Variants in FSD1L observed in about 807,000 individuals in gnomAD.
FSD1L encodes fibronectin type III and SPRY domain containing 1 like.
In FSD1L, 45 loss-of-function variants were observed where a neutral mutation model predicts 71.6. That is an observed-to-expected ratio of 0.63 (90% CI 0.49 to 0.81). The LOEUF (loss-of-function observed/expected upper bound fraction) is 0.81. FSD1L is among the 30% of genes least tolerant of loss of function. The probability of loss-of-function intolerance (pLI) is 0.00; values close to 1 mark genes in which losing one functional copy is unlikely to be tolerated. For synonymous variants in FSD1L, 197 were observed against 207.2 expected, an observed-to-expected ratio of 0.95 and a Z score of 0.42; for missense variants, 561 against 618.1, an observed-to-expected ratio of 0.91 and a Z score of 0.98.
At chr9:105,450,720 G>A (rs1309175659) in intron 1 of FSD1L, among the ~76,000 whole-genome samples, 1 of 151,502 alleles carries the variant, frequency 6.6e-6, no homozygotes, top group African/African-American at 2.4e-5. Flanking sequence ...TTTTAGTAGA[G>A]ACGGGGTTTT....
intron 1 of FSD1L, among the ~76,000 whole-genome samples, chr9:105,450,679 G>A (rs950023037): frequency 6.7e-6 from 1 of 149,756 alleles, no homozygotes; most frequent in South Asian, 2.1e-4. Context: ...GATTACAGGC[G>A]CCTGCCACCA....
chr9:105,447,496 G>T (rs1167692517), upstream of FSD1L, among the ~76,000 whole-genome samples: 2 of 152,054 alleles, frequency 1.3e-5, no homozygotes, highest in Admixed American at 6.6e-5. Flanking sequence ...TACAGGTAGC[G>T]AGGTGCCGGG....
chr9:105,452,665 G>GCCTGCCTGCCTGCCTTCCTT (rs1830095598), intron 1 of FSD1L, among the ~76,000 whole-genome samples: 1 of 85,850 alleles, frequency 1.2e-5, no homozygotes, highest in African/African-American at 4.8e-5. Flanking sequence ...CTGCCTGCCT[G>GCCTGCCTGCCTGCCTTCCTT]CCTGCCTTCC....
At chr9:105,456,724 A>T (rs1830379734) in intron 1 of FSD1L, among the ~76,000 whole-genome samples, 1 of 152,194 alleles carries the variant, frequency 6.6e-6, no homozygotes. Flanking sequence ...ACCAAAAGAC[A>T]TTTGCTGAGA....
intron 7 of FSD1L, among the ~76,000 whole-genome samples, chr9:105,489,221 A>G (rs1168521113): frequency 6.6e-6 from 1 of 152,152 alleles, no homozygotes; most frequent in African/African-American, 2.4e-5. Flanking sequence ...ATTAGGTAAA[A>G]TGCATGGTGA....
In FSD1L at chr9:105,491,959, T is replaced by G. The variant is rs548900376; in HGVS notation, c.586+7457T>G. On this transcript the variant is annotated intron_variant, in intron 7 of 13. Transcript: ENST00000481272. Reference sequence around the variant, plus strand: ...CATCAAGGATATTGGTCTAAAATTCTCTTTTTTGGTTGTGTCTCTGCCCGG... The same window carrying G: ...CATCAAGGATATTGGTCTAAAATTCGCTTTTTTGGTTGTGTCTCTGCCCGG... 6.8e-4 allele frequency among the ~76,000 whole-genome samples: 103 copies of G among 152,230 alleles called. 1 individual carries two copies. Among genetic ancestry groups the G allele is most frequent in the African/African-American group, 2.5e-3 (103 of 41,506 alleles).
At chr9:105,444,550 A>G (rs1175456596), upstream of FSD1L, among the ~76,000 whole-genome samples, 2 of 152,178 alleles carry the variant, frequency 1.3e-5, no homozygotes, top group African/African-American at 4.8e-5. Flanking sequence ...TGCAGGCAAT[A>G]CCTGGCACCA....
intron 13 of FSD1L, among the ~76,000 whole-genome samples, chr9:105,540,323 G>A (rs75649953): frequency 5.7e-4 from 86 of 152,056 alleles, no homozygotes; most frequent in African/African-American, 2.1e-3. Context: ...TTTCTATTAG[G>A]TTGTCTTCGT....
intron 5 of FSD1L, among the ~76,000 whole-genome samples, chr9:105,476,730 T>C (rs1245235514): frequency 6.6e-6 from 1 of 152,208 alleles, no homozygotes; most frequent in Non-Finnish European, 1.5e-5. Context: ...CTGTATAGTA[T>C]TGTGTATCTT....
At chr9:105,522,671 T>A (rs1835250962) in intron 10 of FSD1L, 1 of 1,612,260 alleles carries the variant, frequency 6.2e-7, no homozygotes, top group Non-Finnish European at 8.5e-7. Flanking sequence ...AACCATTCAC[T>A]GTTGAACGAG....
rs563146219 is a variant in FSD1L, at chr9:105,508,394, G to T, written c.797-223G>T. ...GGGTTTCACCGTGTTAGTCAGGGTG[G>T]TCTGTATCTCCTGACCTTGTGATCC... On this transcript the variant is annotated intron_variant, in intron 8 of 13. Coordinates refer to ENST00000481272, the MANE Select transcript of FSD1L (RefSeq NM_001145313.3). Among the ~76,000 whole-genome samples, 9 of 150,940 alleles carry T rather than the reference G, an allele frequency of 6.0e-5. No individual in the cohort carries two copies. In the East Asian group the frequency reaches 1.6e-3, roughly 27 times the overall value.
At chr9:105,473,196 A>G (rs1250989416) in intron 5 of FSD1L, 2 of 152,126 alleles carry the variant, frequency 1.3e-5, no homozygotes, top group African/African-American at 2.4e-5. Context: ...AGTCCCAGCT[A>G]CTCGAAGGCT....
At chr9:105,510,084 G>A (rs1047304613) in intron 9 of FSD1L, among the ~76,000 whole-genome samples, 1 of 152,198 alleles carries the variant, frequency 6.6e-6, no homozygotes, top group Non-Finnish European at 1.5e-5. Flanking sequence ...CATAGATACA[G>A]GAAAATGAAT....
At chr9:105,485,804 T>A (rs143112008) in intron 7 of FSD1L, among the ~76,000 whole-genome samples, 1 of 152,028 alleles carries the variant, frequency 6.6e-6, no homozygotes, top group African/African-American at 2.4e-5. Flanking sequence ...TCACCAAGCC[T>A]GGCTAATTTT....
intron 10 of FSD1L, among the ~76,000 whole-genome samples, chr9:105,519,843 G>A (rs1045688081): frequency 1.5e-4 from 23 of 152,268 alleles, no homozygotes; most frequent in African/African-American, 5.3e-4. Context: ...GAGACGAGCG[G>A]CGGCGGCAGG....
intron 13 of FSD1L, among the ~76,000 whole-genome samples, chr9:105,542,173 G>T (rs1836665815): frequency 6.6e-6 from 1 of 152,144 alleles, no homozygotes; most frequent in South Asian, 2.1e-4. Context: ...ACTTCATGGG[G>T]AACTACCAAA....
chr9:105,448,107 C>G lies in FSD1L; in HGVS notation c.-114C>G, dbSNP rs575250285. 1.7e-6 allele frequency: 2 copies of G among 1,182,856 alleles called. No individual in the cohort carries two copies. The highest frequency in any genetic ancestry group is 1.3e-5 in the South Asian group (1 of 75,926). The allele number at this position is 1,182,856 out of a possible 1,614,324, so 73.3% of individuals were successfully genotyped here. A position where few individuals can be genotyped will look rare whatever the true frequency, so the allele number is the denominator to read the frequency against. On this transcript the variant is annotated 5_prime_UTR_variant, in exon 1 of 14. Transcript: ENST00000481272. ...GCGGACGGGTGGGGCCGGGCGGTGC[C>G]GGTGCGGGCTGGGGCAGTGCAGTGA...
chr9:105,448,121 G>A lies in FSD1L; in HGVS notation c.-100G>A, dbSNP rs1234828832. ...CCGGGCGGTGCCGGTGCGGGCTGGG[G>A]CAGTGCAGTGAGTAGCGGTCTTGGG... On this transcript the variant is annotated 5_prime_UTR_variant, in exon 1 of 14. Transcript: ENST00000481272. 1.6e-6 allele frequency: 2 copies of A among 1,275,518 alleles called. No individual in the cohort carries two copies. Among genetic ancestry groups the A allele is most frequent in the Middle Eastern group, 1.9e-4 (1 of 5,400 alleles). The allele number at this position is 1,275,518 out of a possible 1,614,324, so 79.0% of individuals were successfully genotyped here.
chr9:105,525,039 G>C (rs1835421052), intron 10 of FSD1L: 3 of 1,582,670 alleles, frequency 1.9e-6, no homozygotes, highest in Non-Finnish European at 2.6e-6. Flanking sequence ...TCAAATGTCA[G>C]AATCATAGTA....
Sources: gnomAD v4.1 joint callset for allele counts (sites outside exome capture counted in the v4.1 genomes callset) on GRCh38, gnomAD v4.1.1 for gene constraint, MANE v1.5 for transcripts, NCBI Gene and HGNC (gene_info 2026-07-23, HGNC 2026-07-21) for gene names.